Variants in CFAP61 observed in about 807,000 individuals in gnomAD.
CFAP61 encodes cilia- and flagella-associated protein 61.
A neutral mutation model predicts 135.6 loss-of-function variants in CFAP61; 107 were observed. The ratio of observed to expected loss-of-function variants is 0.79; its 90% CI spans 0.67 to 0.93. CFAP61 has a LOEUF of 0.93. Ranked by LOEUF, CFAP61 falls within the 40% of genes least tolerant of loss-of-function variation. CFAP61 has a pLI of 0.00. For missense variants in CFAP61, 1,507 were observed against 1,556.2 expected (o/e 0.97, Z 0.53); for synonymous variants, 575 against 578.5 (o/e 0.99, Z 0.09).
chr20:20,257,217 G>A (rs899381762), intron 20 of CFAP61, among the ~76,000 whole-genome samples: 1 of 152,144 alleles, frequency 6.6e-6, no homozygotes, highest in African/African-American at 2.4e-5. Context: ...TCTCATATTT[G>A]AAAATAGCAG....
intron 2 of CFAP61, among the ~76,000 whole-genome samples, chr20:20,059,042 T>G (rs2044586477): frequency 6.6e-6 from 1 of 151,988 alleles, no homozygotes; most frequent in African/African-American, 2.4e-5. Flanking sequence ...AAAAGATGAT[T>G]AAAGAAGGCC....
At chr20:20,134,969 CTT>C (rs10718342) in intron 8 of CFAP61, among the ~76,000 whole-genome samples, 22 of 147,668 alleles carry the variant, frequency 1.5e-4, no homozygotes, top group Admixed American at 2.0e-4. Flanking sequence ...TAAATGTCAC[CTT>C]TTTTTTTTTT....
intron 6 of CFAP61, among the ~76,000 whole-genome samples, chr20:20,088,109 G>A (rs2046934676): frequency 6.6e-6 from 1 of 152,154 alleles, no homozygotes; most frequent in Non-Finnish European, 1.5e-5. Flanking sequence ...TTTGTTTCTG[G>A]CTTCCTGTTT....
intron 8 of CFAP61, among the ~76,000 whole-genome samples, chr20:20,107,451 T>A (rs1402947752): frequency 6.6e-6 from 1 of 152,146 alleles, no homozygotes; most frequent in Non-Finnish European, 1.5e-5. Flanking sequence ...AGTTAATAGA[T>A]TCAGGTTTTC....
intron 10 of CFAP61, among the ~76,000 whole-genome samples, chr20:20,159,737 A>G (rs568551135): frequency 2.0e-5 from 3 of 152,332 alleles, no homozygotes; most frequent in Admixed American, 6.5e-5. Flanking sequence ...TCTCCTTCCC[A>G]TTGCCCAAAA....
rs769930441 is a variant in CFAP61 at position 20,277,357 on chromosome 20, CG to C, written c.2698del (p.Asp900MetfsTer63). The C allele has an allele frequency of 6.2e-7, 1 of 1,614,176 alleles. No individual in the cohort carries two copies. The highest frequency in any genetic ancestry group is 8.5e-7 in the Non-Finnish European group (1 of 1,180,022). On this transcript the variant is annotated frameshift_variant, in exon 22 of 27. Coordinates refer to ENST00000245957, the MANE Select transcript of CFAP61 (RefSeq NM_015585.4). LOFTEE classifies it high-confidence loss of function. Reference protein sequence around the residue: ...ALGAAGVTMYRDAILAQWNDG... With the variant: ...ALGAAGVTMYXDAILAQWNDG... Reference sequence around the variant, plus strand: ...AGGAGCCGCCGGAGTCACTATGTACCGGGATGCGATCCTGGCCCAGTGGAAT... The same window carrying C: ...AGGAGCCGCCGGAGTCACTATGTACCGGATGCGATCCTGGCCCAGTGGAAT...
intron 17 of CFAP61, among the ~76,000 whole-genome samples, chr20:20,210,591 A>C (rs2047560771): frequency 6.6e-6 from 1 of 152,190 alleles, no homozygotes; most frequent in Non-Finnish European, 1.5e-5. Context: ...TACAAAAACA[A>C]CACCCCACTA....
intron 18 of CFAP61, among the ~76,000 whole-genome samples, chr20:20,240,722 T>G (rs2049961042): frequency 6.6e-6 from 1 of 152,204 alleles, no homozygotes; most frequent in African/African-American, 2.4e-5. Context: ...GGACTGTGGT[T>G]CTTTGAAACA....
intron 20 of CFAP61, among the ~76,000 whole-genome samples, chr20:20,255,259 C>A (rs1464650743): frequency 1.3e-5 from 2 of 152,204 alleles, no homozygotes; most frequent in African/African-American, 4.8e-5. Flanking sequence ...CTCCATGACT[C>A]ATGGACGGTC....
At chr20:20,231,523 G>A (rs891133522) in intron 18 of CFAP61, among the ~76,000 whole-genome samples, 5 of 152,140 alleles carry the variant, frequency 3.3e-5, no homozygotes, top group Non-Finnish European at 7.4e-5. Flanking sequence ...TCAGCCCTGC[G>A]GGAGACCTCC....
chr20:20,324,656 A>C (rs2057678815), intron 25 of CFAP61, among the ~76,000 whole-genome samples: 2 of 152,210 alleles, frequency 1.3e-5, no homozygotes, highest in Admixed American at 1.3e-4. Flanking sequence ...ATTATTTTAA[A>C]TTATCTTCAA....
Position 20,129,708 on chromosome 20 carries a change from T to A in CFAP61, c.860-13149T>A, listed in dbSNP as rs142882780. 1.1e-4 allele frequency among the ~76,000 whole-genome samples: 17 copies of A among 151,720 alleles called. No homozygotes were observed. In the East Asian group the frequency reaches 3.3e-3, roughly 29 times the overall value. On this transcript the variant is annotated intron_variant, in intron 8 of 26. Coordinates refer to ENST00000245957, the MANE Select transcript of CFAP61 (RefSeq NM_015585.4). ...TTAGATTTGTTTTTTTCAGGTAATT[T>A]TCTGTATCTTATAGACAGTCTTTGT...
intron 20 of CFAP61, among the ~76,000 whole-genome samples, chr20:20,255,517 G>A (rs557106414): frequency 6.6e-6 from 1 of 152,236 alleles, no homozygotes; most frequent in African/African-American, 2.4e-5. Flanking sequence ...ATGTTACATT[G>A]TCTCCAAAGG....
intron 17 of CFAP61, among the ~76,000 whole-genome samples, chr20:20,208,081 T>C (rs2056937345): frequency 6.6e-6 from 1 of 152,212 alleles, no homozygotes; most frequent in South Asian, 2.1e-4. Flanking sequence ...ATGATCTCCT[T>C]TCATTCTCAC....
chr20:20,053,605 A>C (rs1237890234), intron 1 of CFAP61, among the ~76,000 whole-genome samples: 1 of 152,210 alleles, frequency 6.6e-6, no homozygotes, highest in African/African-American at 2.4e-5. Flanking sequence ...TAGTAATATC[A>C]CGTCTACCAA....
intron 1 of CFAP61, among the ~76,000 whole-genome samples, chr20:20,053,001 A>T (rs1035054139): frequency 4.6e-5 from 7 of 152,236 alleles, no homozygotes; most frequent in African/African-American, 1.7e-4. Flanking sequence ...GATATTAGGA[A>T]AAAATATAAA....
At chr20:20,088,716 C>T (rs553923196) in intron 6 of CFAP61, among the ~76,000 whole-genome samples, 188 of 152,192 alleles carry the variant, frequency 1.2e-3, no homozygotes, top group Middle Eastern at 6.8e-3. Flanking sequence ...CCTCCCATCC[C>T]GAGTTGTCAT....
intron 7 of CFAP61, among the ~76,000 whole-genome samples, chr20:20,096,260 A>G (rs1157388244): frequency 6.6e-6 from 1 of 152,256 alleles, no homozygotes; most frequent in Non-Finnish European, 1.5e-5. Flanking sequence ...ACTCAAAGGA[A>G]AAAGCAGACA....
Position 20,251,637 on chromosome 20 carries a change from C to T in CFAP61, c.2202C>T (p.Cys734=). Residue 734 remains cysteine, a synonymous_variant, in exon 20 of 27, where the codon TGC becomes TGT. Coordinates refer to ENST00000245957, the MANE Select transcript of CFAP61 (RefSeq NM_015585.4). ...NDKDYALMSL[C]SWVNVVVGRM... is the part of the protein sequence containing the mutation. ...AAGATTATGCACTGATGTCACTGTG[C>T]TCCTGGGTTAATGTCGTGGTGGGTA... 6.2e-7 allele frequency: 1 copy of T among 1,614,210 alleles called. No homozygotes were observed. Among genetic ancestry groups the T allele is most frequent in the Non-Finnish European group, 8.5e-7 (1 of 1,180,018 alleles).
Sources: gnomAD v4.1 joint callset for allele counts (sites outside exome capture counted in the v4.1 genomes callset) on GRCh38, gnomAD v4.1.1 for gene constraint, MANE v1.5 for transcripts, NCBI Gene and HGNC (gene_info 2026-07-23, HGNC 2026-07-21) for gene names.